SEMA5A: variants seen among roughly 807,000 people sequenced by gnomAD.
SEMA5A encodes the protein semaphorin 5A.
In SEMA5A, 55 loss-of-function variants were observed where a neutral mutation model predicts 135.5. The observed-to-expected ratio is 0.41, with a 90% CI of 0.33 to 0.51. SEMA5A has a LOEUF of 0.51. Ranked by LOEUF, SEMA5A falls within the 20% of genes least tolerant of loss-of-function variation. SEMA5A has a pLI of 0.37. For synonymous variants in SEMA5A, 580 were observed against 546.5 expected (o/e 1.06, Z -0.85); for missense variants, 1,290 against 1,419.9 (o/e 0.91, Z 1.47).
At position 9,318,477 on chromosome 5, in the gene SEMA5A, T is replaced by C; in HGVS notation, c.225-60A>G. 5 of 1,402,674 alleles carry C rather than the reference T, an allele frequency of 3.6e-6. No individual in the cohort carries two copies. The African/African-American group carries it at 5.8e-5, about 16-fold the overall frequency. The allele number at this position is 1,402,674 out of a possible 1,614,324, so 86.9% of individuals were successfully genotyped here. On this transcript the variant is annotated intron_variant, in intron 4 of 22. Coordinates refer to ENST00000382496, the MANE Select transcript of SEMA5A (RefSeq NM_003966.3). The stretch of plus-strand genomic sequence containing the variant: ...AATAGATCACAGAAAGTTAAGAGTT[T>C]ATAAAAATTTCAAGAACAAAGAAAA...
chr5:9,104,768 A>G (rs1313230420), intron 16 of SEMA5A, among the ~76,000 whole-genome samples: 1 of 152,204 alleles, frequency 6.6e-6, no homozygotes, highest in East Asian at 1.9e-4. Context: ...ACAGGCATGC[A>G]GGGCTGACAT....
chr5:9,243,910 A>C (rs999451090), intron 5 of SEMA5A, among the ~76,000 whole-genome samples: 1 of 152,186 alleles, frequency 6.6e-6, no homozygotes, highest in Non-Finnish European at 1.5e-5. Context: ...ATTTAGAAAA[A>C]TACATATCTG....
At chr5:9,398,810 CTAGCACCAGGT>C (rs1472680822) in intron 2 of SEMA5A, among the ~76,000 whole-genome samples, 3 of 152,236 alleles carry the variant, frequency 2.0e-5, no homozygotes, top group African/African-American at 7.2e-5. Context: ...AGTGAACCTT[CTAGCACCAGGT>C]TATCAGCAAT....
chr5:9,257,990 C>G (rs910288116), intron 5 of SEMA5A, among the ~76,000 whole-genome samples: 4 of 152,090 alleles, frequency 2.6e-5, no homozygotes, highest in Non-Finnish European at 4.4e-5. Context: ...ACCACTACAC[C>G]CTACAACTAG....
intron 11 of SEMA5A, among the ~76,000 whole-genome samples, chr5:9,165,800 G>T (rs934025268): frequency 2.0e-5 from 3 of 152,156 alleles, no homozygotes; most frequent in Admixed American, 6.5e-5. Flanking sequence ...CATGGCAACA[G>T]ATCATTATAT....
At chr5:9,277,945 A>G (rs1025286741) in intron 5 of SEMA5A, among the ~76,000 whole-genome samples, 1 of 152,136 alleles carries the variant, frequency 6.6e-6, no homozygotes, top group African/African-American at 2.4e-5. Flanking sequence ...GTACCCCAGA[A>G]CTTAAAGTAT....
chr5:9,339,678 G>C (rs950448186), intron 3 of SEMA5A, among the ~76,000 whole-genome samples: 6 of 152,036 alleles, frequency 3.9e-5, no homozygotes, highest in African/African-American at 1.4e-4. Flanking sequence ...GAAACTGAAA[G>C]GTGTATTTAA....
intron 3 of SEMA5A, among the ~76,000 whole-genome samples, chr5:9,365,628 T>A (rs1754883343): frequency 6.6e-6 from 1 of 152,200 alleles, no homozygotes; most frequent in South Asian, 2.1e-4. Context: ...ACTCAGGACA[T>A]AAATGGTGGT....
At chr5:9,054,354 G>T in intron 18 of SEMA5A, 97 bp from the exon 19 acceptor site, 3 of 1,454,176 alleles carry the variant, frequency 2.1e-6, no homozygotes, top group Non-Finnish European at 2.8e-6. Context: ...TGTTTAGTAA[G>T]GGAAACAAAA....
chr5:9,509,577 A>C (rs1257483855), intron 1 of SEMA5A, among the ~76,000 whole-genome samples: 2 of 151,984 alleles, frequency 1.3e-5, no homozygotes, highest in African/African-American at 4.8e-5. Context: ...GCCCGGCCCC[A>C]ACATAAAATT....
intron 4 of SEMA5A, among the ~76,000 whole-genome samples, chr5:9,334,926 C>T (rs779324914): frequency 5.3e-5 from 8 of 152,158 alleles, no homozygotes; most frequent in Non-Finnish European, 1.0e-4. Flanking sequence ...GTTGACTCAG[C>T]GGCCCATCCG....
intron 1 of SEMA5A, among the ~76,000 whole-genome samples, chr5:9,442,219 G>A (rs1181703465): frequency 1.3e-5 from 2 of 152,242 alleles, no homozygotes; most frequent in African/African-American, 4.8e-5. Flanking sequence ...TAACCATGTG[G>A]TTAATGGCTG....
intron 2 of SEMA5A, among the ~76,000 whole-genome samples, chr5:9,419,325 A>C (rs1191538031): frequency 6.6e-6 from 1 of 152,200 alleles, no homozygotes; most frequent in African/African-American, 2.4e-5. Flanking sequence ...TGTGCAGATG[A>C]GAAAAATGTA....
At chr5:9,116,613 C>T (rs1395684846) in intron 15 of SEMA5A, among the ~76,000 whole-genome samples, 3 of 152,188 alleles carry the variant, frequency 2.0e-5, no homozygotes, top group Admixed American at 6.5e-5. Context: ...TATAAACCTA[C>T]CATTAACTTA....
chr5:9,062,872 A>G lies in SEMA5A; in HGVS notation c.2518+15T>C. On this transcript the variant is annotated intron_variant, in intron 18 of 22. Coordinates refer to ENST00000382496, the MANE Select transcript of SEMA5A (RefSeq NM_003966.3). ...TGAGTTTTCAGATGTTTTGTAGACTACACAATCCACTTACCTGGGCAGGGC... is the reference window on the plus strand; with the variant it reads ...TGAGTTTTCAGATGTTTTGTAGACTGCACAATCCACTTACCTGGGCAGGGC... The G allele has an allele frequency of 6.2e-7, 1 of 1,613,828 alleles. No homozygotes were observed. The highest frequency in any genetic ancestry group is 8.5e-7 in the Non-Finnish European group (1 of 1,179,678).
intron 5 of SEMA5A, among the ~76,000 whole-genome samples, chr5:9,270,160 T>C (rs542598486): frequency 2.6e-5 from 4 of 152,208 alleles, no homozygotes; most frequent in Admixed American, 6.5e-5. Flanking sequence ...ACCCAGGGCA[T>C]TGAGCCTCTC....
intron 5 of SEMA5A, among the ~76,000 whole-genome samples, chr5:9,259,216 T>C (rs1039282294): frequency 5.9e-5 from 9 of 152,248 alleles, no homozygotes; most frequent in Non-Finnish European, 1.2e-4. Flanking sequence ...AAGAGAGAAA[T>C]GCAAACTGCT....
Position 9,421,265 on chromosome 5 carries a change from T to C in SEMA5A, c.-78+16491A>G, listed in dbSNP as rs183891400. ...TATAATTTGAGATTTTCTCATAATA[T>C]CATAAAATCTCTCCAAGTTAACCAG... On this transcript the variant is annotated intron_variant, in intron 2 of 22. Transcript: ENST00000382496. Among the ~76,000 whole-genome samples, 26 of 152,306 alleles carry C rather than the reference T, an allele frequency of 1.7e-4. No individual in the cohort carries two copies. In the East Asian group the frequency reaches 3.9e-3, roughly 23 times the overall value.
chr5:9,380,485 T>G (rs933300114), intron 2 of SEMA5A, among the ~76,000 whole-genome samples: 1 of 152,212 alleles, frequency 6.6e-6, no homozygotes, highest in Non-Finnish European at 1.5e-5. Context: ...ACAGCCATTG[T>G]CTTTTACTAA....
Sources: allele counts gnomAD v4.1 joint callset (sites outside exome capture counted in the v4.1 genomes callset), GRCh38; gene constraint gnomAD v4.1.1; transcripts MANE v1.5; gene names NCBI Gene and HGNC (gene_info 2026-07-23, HGNC 2026-07-21).